Variants in NPAS3 observed in about 807,000 individuals in gnomAD.
The protein encoded by NPAS3 is neuronal PAS domain protein 3.
Under a neutral mutation model 73.1 loss-of-function variants are expected in NPAS3, and 14 were observed. The ratio of observed to expected loss-of-function variants is 0.19; its 90% CI spans 0.13 to 0.30. NPAS3 has a LOEUF of 0.30. Among genes scored for constraint, NPAS3 ranks in the 10% least tolerant of loss-of-function variants. NPAS3 has a pLI of 1.00. For missense variants in NPAS3, 1,096 were observed against 1,250.0 expected (o/e 0.88, Z 1.86); for synonymous variants, 620 against 541.5 (o/e 1.14, Z -2.01).
intron 4 of NPAS3, among the ~76,000 whole-genome samples, chr14:33,448,109 A>G (rs1287419248): frequency 1.3e-5 from 2 of 152,174 alleles, no homozygotes; most frequent in Admixed American, 6.5e-5. Flanking sequence ...TATTAATTCG[A>G]TTGGACAGAT....
chr14:33,329,803 A>G (rs2043896128), intron 3 of NPAS3, among the ~76,000 whole-genome samples: 1 of 152,100 alleles, frequency 6.6e-6, no homozygotes, highest in African/African-American at 2.4e-5. Context: ...TTTGAGGATT[A>G]AAAGTGGAGT....
At chr14:33,031,485 T>C (rs2039987096) in intron 1 of NPAS3, among the ~76,000 whole-genome samples, 1 of 152,102 alleles carries the variant, frequency 6.6e-6, no homozygotes, top group Non-Finnish European at 1.5e-5. Context: ...ACTCACTATG[T>C]GCTTTTCTGT....
intron 4 of NPAS3, among the ~76,000 whole-genome samples, chr14:33,501,588 A>G (rs993644574): frequency 6.7e-6 from 1 of 148,840 alleles, no homozygotes; most frequent in Non-Finnish European, 1.5e-5. Flanking sequence ...TCAGATTCCT[A>G]TTTCTTGTTT....
chr14:33,357,428 C>T (rs1451696183), intron 3 of NPAS3, among the ~76,000 whole-genome samples: 1 of 152,192 alleles, frequency 6.6e-6, no homozygotes, highest in Non-Finnish European at 1.5e-5. Context: ...TTGCAGTTGG[C>T]TCGCAGGGTT....
At chr14:32,997,249 G>A (rs559216919) in intron 1 of NPAS3, among the ~76,000 whole-genome samples, 1 of 152,290 alleles carries the variant, frequency 6.6e-6, no homozygotes, top group African/African-American at 2.4e-5. Flanking sequence ...TAACTAACTT[G>A]CTTTTGATTT....
intron 1 of NPAS3, among the ~76,000 whole-genome samples, chr14:32,963,630 C>G (rs899872284): frequency 6.6e-6 from 1 of 152,174 alleles, no homozygotes; most frequent in Non-Finnish European, 1.5e-5. Flanking sequence ...ATCCAAGAGA[C>G]AGAGGCAGTC....
At chr14:33,596,541 G>T (rs1276328482) in intron 5 of NPAS3, among the ~76,000 whole-genome samples, 1 of 152,228 alleles carries the variant, frequency 6.6e-6, no homozygotes, top group Non-Finnish European at 1.5e-5. Flanking sequence ...TGGTTTGCAA[G>T]AAAAATTGTT....
Position 33,058,524 on chromosome 14 carries a change from A to G in NPAS3, c.140+2530A>G, listed in dbSNP as rs549420323. Among the ~76,000 whole-genome samples, 13 of 152,296 alleles carry G rather than the reference A, an allele frequency of 8.5e-5. No homozygotes were observed. In the East Asian group the frequency reaches 1.5e-3, roughly 18 times the overall value. ...ATACAGACAAATGACATATCATCCA[A>G]TCTTCAATGAGCTTATAGTCTATTA... On this transcript the variant is annotated intron_variant, in intron 2 of 11. Transcript: ENST00000356141.
intron 4 of NPAS3, among the ~76,000 whole-genome samples, chr14:33,416,485 C>T (rs1322019441): frequency 6.6e-6 from 1 of 151,668 alleles, no homozygotes; most frequent in Non-Finnish European, 1.5e-5. Context: ...CATAGGAAAG[C>T]CTGAATTATT....
intron 3 of NPAS3, among the ~76,000 whole-genome samples, chr14:33,350,172 G>A (rs977357229): frequency 3.9e-5 from 6 of 152,180 alleles, no homozygotes; most frequent in African/African-American, 1.4e-4. Context: ...GGTCCGTTAA[G>A]TTTGAAATTA....
chr14:33,639,187 T>A (rs2058608494), intron 5 of NPAS3, among the ~76,000 whole-genome samples: 1 of 152,220 alleles, frequency 6.6e-6, no homozygotes, highest in African/African-American at 2.4e-5. Context: ...ATAGACCGTT[T>A]AAGCCCCTCT....
At chr14:33,275,172 A>G (rs1263074269) in intron 3 of NPAS3, among the ~76,000 whole-genome samples, 1 of 152,162 alleles carries the variant, frequency 6.6e-6, no homozygotes, top group African/African-American at 2.4e-5. Context: ...CCATTACTGT[A>G]TCAGAATGAT....
chr14:33,262,415 T>C (rs1286906839), intron 3 of NPAS3, among the ~76,000 whole-genome samples: 4 of 152,216 alleles, frequency 2.6e-5, no homozygotes, highest in Non-Finnish European at 4.4e-5. Flanking sequence ...GATGATAAAG[T>C]TGATTGATTG....
intron 6 of NPAS3, among the ~76,000 whole-genome samples, chr14:33,703,189 G>A (rs2060568539): frequency 6.6e-6 from 1 of 152,080 alleles, no homozygotes; most frequent in South Asian, 2.1e-4. Flanking sequence ...ATAGCGTTAT[G>A]ATATTAAATT....
chr14:33,593,861 C>T (rs2057152205), intron 5 of NPAS3, among the ~76,000 whole-genome samples: 1 of 152,120 alleles, frequency 6.6e-6, no homozygotes, highest in Non-Finnish European at 1.5e-5. Context: ...AGAGATGCTT[C>T]CTAGCAGGTT....
chr14:33,190,785 A>C (rs1424310825), intron 2 of NPAS3, among the ~76,000 whole-genome samples: 1 of 152,140 alleles, frequency 6.6e-6, no homozygotes, highest in East Asian at 1.9e-4. Context: ...CCAACATGAT[A>C]TGTGTCGTGC....
At chr14:33,126,187 C>T (rs2043419716) in intron 2 of NPAS3, among the ~76,000 whole-genome samples, 1 of 152,118 alleles carries the variant, frequency 6.6e-6, no homozygotes, top group African/African-American at 2.4e-5. Context: ...TATATTTTTC[C>T]TAATAGCTTT....
intron 9 of NPAS3, among the ~76,000 whole-genome samples, chr14:33,784,745 ATTT>A (rs1226491375): frequency 2.7e-5 from 2 of 73,838 alleles, no homozygotes; most frequent in Admixed American, 1.5e-4. Flanking sequence ...TTATTTATTT[ATTT>A]TTTTTTTTTT....
At chr14:32,968,785 T>TTA (rs55943577) in intron 1 of NPAS3, among the ~76,000 whole-genome samples, 48 of 151,174 alleles carry the variant, frequency 3.2e-4, no homozygotes, top group Admixed American at 8.6e-4. Context: ...TTTTTTTTTT[T>TTA]AAACTTATTT....
Sources: allele counts gnomAD v4.1 joint callset (sites outside exome capture counted in the v4.1 genomes callset), GRCh38; gene constraint gnomAD v4.1.1; transcripts MANE v1.5; gene names NCBI Gene and HGNC (gene_info 2026-07-23, HGNC 2026-07-21).